The following PDXDC1 variants were observed in gnomAD, a reference collection of about 807,000 sequenced individuals.
The protein encoded by PDXDC1 is pyridoxal dependent decarboxylase domain containing 1.
PDXDC1 carries 42 observed loss-of-function variants against 100.1 expected under a neutral mutation model. The ratio of observed to expected loss-of-function variants is 0.42; its 90% CI spans 0.33 to 0.54. The LOEUF (loss-of-function observed/expected upper bound fraction) is 0.54, where lower values mean the gene tolerates loss of function less well. PDXDC1 is among the 20% of genes least tolerant of loss of function. PDXDC1 has a pLI of 0.10. For missense variants in PDXDC1, 636 were observed against 979.2 expected (o/e 0.65, Z 4.68); for synonymous variants, 260 against 371.7 (o/e 0.70, Z 3.46).
At chr16:15,100,197 G>A (rs1423063866) in intron 16 of PDXDC1, among the ~76,000 whole-genome samples, 1 of 152,040 alleles carries the variant, frequency 6.6e-6, no homozygotes, top group Non-Finnish European at 1.5e-5. Context: ...TGGTAGGGCG[G>A]ATCCACACGA....
chr16:14,998,905 C>T (rs1198126842), intron 3 of PDXDC1, among the ~76,000 whole-genome samples: 7 of 152,282 alleles, frequency 4.6e-5, no homozygotes, highest in African/African-American at 1.4e-4. Flanking sequence ...CACCTGCTGG[C>T]TTCTCTCCCT....
At chr16:15,061,901 A>G (rs972343664) in intron 16 of PDXDC1, 9 of 1,610,820 alleles carry the variant, frequency 5.6e-6, no homozygotes, top group African/African-American at 2.7e-5. Flanking sequence ...ATCTTCCACT[A>G]TGTCCTGCAG....
At chr16:15,041,063 C>CT (rs1231707351), downstream of PDXDC1, 5 of 1,592,192 alleles carry the variant, frequency 3.1e-6, no homozygotes, top group Non-Finnish European at 4.3e-6. Flanking sequence ...ATGCACACTA[C>CT]TTACCAATGC....
At position 15,030,044 on chromosome 16, in the gene PDXDC1, A is replaced by G. The variant is rs771343046; in HGVS notation, c.1387A>G (p.Met463Val). The stretch of plus-strand genomic sequence containing the variant: ...CACGTGTTTGCGGTTCAGCCCTTTG[A>G]TGACCGCAGCAGGTAAACCAGGCTT... ...EGTCLRFSPL[M>V]TAAVLGTRGE... The change falls in exon 16 of 23, where the codon ATG (methionine) becomes GTG (valine). Residue 463 changes from methionine to valine, a missense_variant. Around this residue, in one of 4 missense-constraint regions of PDXDC1, gnomAD observed 15 missense variants for 49.6 expected, o/e 0.30. Transcript: ENST00000396410. 49 of 1,553,330 alleles carry G rather than the reference A, an allele frequency of 3.2e-5. No homozygotes were observed. The Admixed American group carries it at 9.0e-4, about 29-fold the overall frequency.
intron 16 of PDXDC1, among the ~76,000 whole-genome samples, chr16:15,075,435 C>T (rs1409089964): frequency 1.3e-5 from 2 of 151,394 alleles, no homozygotes; most frequent in East Asian, 2.0e-4. Flanking sequence ...TAGCTGGGTG[C>T]GGTGGTACAC....
chr16:15,143,198 G>A (rs1286473394), downstream of PDXDC1, among the ~76,000 whole-genome samples: 1 of 152,154 alleles, frequency 6.6e-6, no homozygotes, highest in African/African-American at 2.4e-5. Context: ...GTGGGACCCA[G>A]CGGGCTCCTT....
At chr16:15,015,833 G>A in intron 8 of PDXDC1, 1 of 549,910 alleles carries the variant, frequency 1.8e-6, no homozygotes, top group Non-Finnish European at 3.1e-6. Flanking sequence ...CAATCTTGGT[G>A]GGAGATTTGA....
intron 16 of PDXDC1, chr16:15,137,142 C>G (rs1470290100): frequency 1.4e-6 from 1 of 712,382 alleles, no homozygotes; most frequent in Non-Finnish European, 2.5e-6. Context: ...TCGGGGGAGC[C>G]GTCTCCGAAG....
At position 15,032,959 on chromosome 16, in the gene PDXDC1, C is replaced by G; in HGVS notation, c.1670C>G (p.Ser557Cys). The G allele has an allele frequency of 1.9e-6, 3 of 1,591,788 alleles. No individual in the cohort carries two copies. Among genetic ancestry groups the G allele is most frequent in the Non-Finnish European group, 2.6e-6 (3 of 1,159,426 alleles). The change falls in exon 18 of 23, where the codon TCT becomes TGT. Residue 557 changes from serine (S) to cysteine (C), a missense_variant. Physicochemically the swap from Ser to Cys is moderately radical, Grantham distance 112. This residue lies in a region of PDXDC1 where 452 missense variants were observed against 402.9 expected (regional missense o/e 1.12). Transcript: ENST00000396410. Reference sequence around the variant, plus strand: ...CTGAAGAAGTTAAATGAACTGGAATCTGACCTAACCTTTAAAATAGGTAAC... The same window carrying G: ...CTGAAGAAGTTAAATGAACTGGAATGTGACCTAACCTTTAAAATAGGTAAC... Reference protein sequence around the residue: ...GLLKKLNELESDLTFKIGPEY... With the variant: ...GLLKKLNELECDLTFKIGPEY...
intron 5 of PDXDC1, among the ~76,000 whole-genome samples, chr16:15,006,109 T>C (rs1042569181): frequency 6.6e-6 from 1 of 152,302 alleles, no homozygotes; most frequent in Admixed American, 6.5e-5. Context: ...AACCATGATC[T>C]TCAGGCTTTT....
At chr16:15,038,460 G>C (rs953615532), downstream of PDXDC1, 16 of 668,860 alleles carry the variant, frequency 2.4e-5, no homozygotes, top group African/African-American at 2.9e-4. Flanking sequence ...CATCCAAAAA[G>C]TTACTACCCG....
chr16:14,983,245 A>G (rs1350203514), intron 1 of PDXDC1, among the ~76,000 whole-genome samples: 11 of 152,290 alleles, frequency 7.2e-5, no homozygotes, highest in Admixed American at 6.5e-4. Flanking sequence ...AATAAATTTT[A>G]GACTTTCTTT....
intron 16 of PDXDC1, chr16:15,092,513 T>C (rs1464280450): frequency 3.1e-6 from 5 of 1,606,282 alleles, no homozygotes; most frequent in Non-Finnish European, 8.5e-7. Context: ...CCTTACCTTT[T>C]TGTACTTCAG....
intron 16 of PDXDC1, chr16:15,063,055 G>C: frequency 1.4e-6 from 1 of 709,418 alleles, no homozygotes; most frequent in Admixed American, 2.2e-5. Context: ...TGTTGCCCAG[G>C]CTGGTCTCCA....
intron 1 of PDXDC1, among the ~76,000 whole-genome samples, chr16:14,979,487 A>G (rs1368080078): frequency 1.3e-5 from 2 of 152,242 alleles, no homozygotes; most frequent in East Asian, 3.9e-4. Context: ...ATGGGATTTC[A>G]CCATATTGAC....
chr16:15,084,748 T>A (rs777819902), intron 16 of PDXDC1: 1 of 1,377,046 alleles, frequency 7.3e-7, no homozygotes, highest in Admixed American at 1.7e-5. Flanking sequence ...AAAACAAAAC[T>A]GAAGGGCGAC....
chr16:15,090,868 GGTTT>G (rs904090694), intron 16 of PDXDC1, among the ~76,000 whole-genome samples: 4 of 132,550 alleles, frequency 3.0e-5, no homozygotes, highest in South Asian at 5.2e-4. Flanking sequence ...CTGAATCAGT[GGTTT>G]GTTTTTTTTT....
intron 16 of PDXDC1, chr16:15,104,570 T>C (rs1320668458): frequency 1.9e-6 from 3 of 1,598,824 alleles, no homozygotes; most frequent in East Asian, 2.2e-5. Context: ...TATCATCCGC[T>C]GAGGGTGGAA....
chr16:15,071,402 G>C (rs1438304355), intron 16 of PDXDC1: 3 of 766,802 alleles, frequency 3.9e-6, no homozygotes, highest in Middle Eastern at 4.1e-4. Flanking sequence ...CACATTGAGA[G>C]AATATCATTA....
Sources: gnomAD v4.1 joint callset for allele counts (sites outside exome capture counted in the v4.1 genomes callset) on GRCh38, gnomAD v4.1.1 for gene constraint, gnomAD v4.1.1 regional missense constraint, MANE v1.5 for transcripts, NCBI Gene and HGNC (gene_info 2026-07-23, HGNC 2026-07-21) for gene names.